The following BRINP2 variants were observed in gnomAD, a reference collection of about 807,000 sequenced individuals.
The protein encoded by BRINP2 is BMP/retinoic acid-inducible neural-specific protein 2.
A neutral mutation model predicts 69.2 loss-of-function variants in BRINP2; 21 were observed. The ratio of observed to expected loss-of-function variants is 0.30; its 90% CI spans 0.22 to 0.44. BRINP2 has a LOEUF of 0.44. BRINP2 is among the 20% of genes least tolerant of loss of function. The pLI, the probability that BRINP2 is intolerant of heterozygous loss-of-function variation, is 1.00. For synonymous variants in BRINP2, 380 were observed against 394.1 expected, an observed-to-expected ratio of 0.96 and a Z score of 0.42; for missense variants, 877 against 986.0, an observed-to-expected ratio of 0.89 and a Z score of 1.48.
At chr1:177,205,786 G>A (rs1423608404) in intron 1 of BRINP2, among the ~76,000 whole-genome samples, 1 of 152,192 alleles carries the variant, frequency 6.6e-6, no homozygotes, top group Non-Finnish European at 1.5e-5. Context: ...AGTTCTTGGT[G>A]AGGAGAGAGA....
intron 2 of BRINP2, among the ~76,000 whole-genome samples, chr1:177,255,160 T>C (rs186606112): frequency 1.3e-5 from 2 of 152,318 alleles, no homozygotes; most frequent in African/African-American, 4.8e-5. Context: ...TGAAAACAGA[T>C]TGAATGTAGA....
chr1:177,234,464 TC>T (rs1225740158), intron 2 of BRINP2, among the ~76,000 whole-genome samples: 1 of 152,244 alleles, frequency 6.6e-6, no homozygotes, highest in African/African-American at 2.4e-5. Flanking sequence ...AATGTTCCAT[TC>T]TCTCTTTGCT....
intron 1 of BRINP2, among the ~76,000 whole-genome samples, chr1:177,228,883 G>C (rs1353904411): frequency 6.6e-6 from 1 of 152,212 alleles, no homozygotes; most frequent in Non-Finnish European, 1.5e-5. Flanking sequence ...TTGAAGGCCA[G>C]AATCTTACTA....
intron 1 of BRINP2, among the ~76,000 whole-genome samples, chr1:177,223,460 C>T (rs996709382): frequency 5.3e-5 from 8 of 152,090 alleles, no homozygotes; most frequent in African/African-American, 1.9e-4. Context: ...TACTCCCATC[C>T]CTTGGGACAG....
At chr1:177,278,477 G>A (rs1231788685) in intron 6 of BRINP2, 86 bp from the exon 7 acceptor site, 3 of 1,282,540 alleles carry the variant, frequency 2.3e-6, no homozygotes, top group Non-Finnish European at 3.4e-6. Context: ...ACTTTGAAGG[G>A]CCCTGGATCT....
intron 2 of BRINP2, among the ~76,000 whole-genome samples, chr1:177,247,763 C>G (rs1421466543): frequency 6.6e-6 from 1 of 152,224 alleles, no homozygotes; most frequent in Non-Finnish European, 1.5e-5. Context: ...CTTAAGACTT[C>G]CCCACAGTAT....
At chr1:177,178,831 C>G (rs957697362) in intron 1 of BRINP2, among the ~76,000 whole-genome samples, 1 of 152,164 alleles carries the variant, frequency 6.6e-6, no homozygotes, top group Non-Finnish European at 1.5e-5. Flanking sequence ...GATAAAAGGT[C>G]TGCCCTCAAG....
intron 1 of BRINP2, among the ~76,000 whole-genome samples, chr1:177,200,995 G>T (rs1463794518): frequency 6.6e-6 from 1 of 152,056 alleles, no homozygotes; most frequent in Non-Finnish European, 1.5e-5. Flanking sequence ...AAGCTATAAG[G>T]ATGCAAAAGA....
Position 177,280,411 on chromosome 1 carries a change from G to A in BRINP2, c.1236-1G>A, listed in dbSNP as rs2102366051. On this transcript the variant is annotated splice_acceptor_variant, in intron 7 of 7. Coordinates refer to ENST00000361539, the MANE Select transcript of BRINP2 (RefSeq NM_021165.4). LOFTEE classifies it high-confidence loss of function. Reference sequence around the variant, plus strand: ...ACTTCATTTTATCTCTGCTCCCCAAGGTCCTTGTCCTACTGGTGGAACCGA... The same window carrying A: ...ACTTCATTTTATCTCTGCTCCCCAAAGTCCTTGTCCTACTGGTGGAACCGA... The A allele has an allele frequency of 6.3e-7, 1 of 1,593,500 alleles. No homozygotes were observed. The highest frequency in any genetic ancestry group is 8.6e-7 in the Non-Finnish European group (1 of 1,169,062).
rs1323982970 is a variant in BRINP2 at position 177,280,991 on chromosome 1, G to A, written c.1815G>A (p.Val605=). 1 of 1,614,192 alleles carries A rather than the reference G, an allele frequency of 6.2e-7. No individual in the cohort carries two copies. Among genetic ancestry groups the A allele is most frequent in the Non-Finnish European group, 8.5e-7 (1 of 1,180,034 alleles). ...GSHSESWFMP[V]NEGSFPDWER... is the part of the protein sequence containing the mutation. Reference sequence around the variant, plus strand: ...ACTCTGAGAGCTGGTTCATGCCTGTGAATGAGGGCAGCTTTCCTGACTGGG... The same window carrying A: ...ACTCTGAGAGCTGGTTCATGCCTGTAAATGAGGGCAGCTTTCCTGACTGGG... Residue 605 remains valine, a synonymous_variant, in exon 8 of 8, where the codon GTG becomes GTA. Transcript: ENST00000361539.
intron 1 of BRINP2, among the ~76,000 whole-genome samples, chr1:177,193,833 T>C (rs1251506836): frequency 2.0e-5 from 3 of 152,176 alleles, no homozygotes; most frequent in Non-Finnish European, 4.4e-5. Context: ...AAAAAGGCTA[T>C]TGGTGTTAGG....
chr1:177,230,124 C>T lies in BRINP2; in HGVS notation c.248C>T (p.Thr83Ile). ...DFMERYRQGF[T>I]TRYRIYREFA... ...ATGGAGCGGTACCGCCAGGGTTTCA[C>T]CACCAGGTACAGGATTTATAGGTAA... The change falls in exon 2 of 8, where the codon ACC becomes ATC. Residue 83 changes from threonine (T) to isoleucine (I), a missense_variant. Transcript: ENST00000361539. 6.2e-7 allele frequency: 1 copy of T among 1,611,022 alleles called. No homozygotes were observed. Among genetic ancestry groups the T allele is most frequent in the Non-Finnish European group, 8.5e-7 (1 of 1,178,450 alleles).
intron 1 of BRINP2, among the ~76,000 whole-genome samples, chr1:177,193,356 G>A (rs1648646287): frequency 1.3e-5 from 2 of 152,162 alleles, no homozygotes; most frequent in Admixed American, 1.3e-4. Context: ...AGGCTGTGAG[G>A]GGGAGGGATT....
At chr1:177,237,065 G>A (rs1306954332) in intron 2 of BRINP2, among the ~76,000 whole-genome samples, 3 of 152,172 alleles carry the variant, frequency 2.0e-5, no homozygotes, top group African/African-American at 7.2e-5. Flanking sequence ...AATGAAGCGT[G>A]AATTCTCAAC....
intron 5 of BRINP2, among the ~76,000 whole-genome samples, chr1:177,275,706 G>T (rs2102362187): frequency 6.6e-6 from 1 of 152,280 alleles, no homozygotes; most frequent in Admixed American, 6.5e-5. Flanking sequence ...CTAGGGTGGG[G>T]AGGCCCAGAA....
At chr1:177,244,156 A>G (rs1379479724) in intron 2 of BRINP2, among the ~76,000 whole-genome samples, 8 of 152,228 alleles carry the variant, frequency 5.3e-5, no homozygotes, top group Admixed American at 1.3e-4. Context: ...TGGCTGTGAT[A>G]CTTGTGAAAA....
At chr1:177,223,562 G>A (rs955751540) in intron 1 of BRINP2, among the ~76,000 whole-genome samples, 3 of 152,190 alleles carry the variant, frequency 2.0e-5, no homozygotes, top group Non-Finnish European at 2.9e-5. Context: ...AGGTCTCAGA[G>A]TCAGAATATG....
intron 4 of BRINP2, among the ~76,000 whole-genome samples, chr1:177,273,260 TCTTA>T (rs1438555732): frequency 2.0e-5 from 3 of 152,168 alleles, no homozygotes; most frequent in Admixed American, 2.0e-4. Flanking sequence ...TCTGAAAGGC[TCTTA>T]CTTATATATA....
intron 3 of BRINP2, chr1:177,256,354 A>G (rs1650758502): frequency 1.0e-6 from 1 of 985,362 alleles, no homozygotes; most frequent in South Asian, 4.7e-5. Flanking sequence ...CAGGCTCCTA[A>G]CAAGCACTTG....
Sources: allele counts gnomAD v4.1 joint callset (sites outside exome capture counted in the v4.1 genomes callset), GRCh38; gene constraint gnomAD v4.1.1; transcripts MANE v1.5; gene names NCBI Gene and HGNC (gene_info 2026-07-23, HGNC 2026-07-21).